Variants in RNF150 observed in about 807,000 individuals in gnomAD.
The protein encoded by RNF150 is ring finger protein 150.
In RNF150, 24 loss-of-function variants were observed where a neutral mutation model predicts 39.3. The observed-to-expected ratio is 0.61, with a 90% CI of 0.44 to 0.86. The LOEUF (loss-of-function observed/expected upper bound fraction) is 0.86. Among genes scored for constraint, RNF150 ranks in the 40% least tolerant of loss-of-function variants. RNF150 has a pLI of 0.00. For synonymous variants in RNF150, 255 were observed against 227.3 expected, an observed-to-expected ratio of 1.12 and a Z score of -1.10; for missense variants, 502 against 587.8, an observed-to-expected ratio of 0.85 and a Z score of 1.51.
intron 1 of RNF150, among the ~76,000 whole-genome samples, chr4:141,165,596 G>C (rs1393178765): frequency 3.3e-5 from 5 of 152,132 alleles, no homozygotes; most frequent in Non-Finnish European, 5.9e-5. Context: ...ATAACAAACA[G>C]TCTCTCAGAC....
chr4:140,950,283 T>C (rs1193876158), intron 2 of RNF150, among the ~76,000 whole-genome samples: 4 of 152,242 alleles, frequency 2.6e-5, no homozygotes, highest in Admixed American at 6.5e-5. Flanking sequence ...AGACTAATCA[T>C]TTGCTTTCAC....
intron 1 of RNF150, among the ~76,000 whole-genome samples, chr4:141,129,236 A>T (rs111448791): frequency 2.6e-5 from 4 of 152,386 alleles, no homozygotes; most frequent in African/African-American, 9.6e-5. Context: ...ATGAATAAAT[A>T]CACAAAATGT....
intron 4 of RNF150, among the ~76,000 whole-genome samples, chr4:140,929,300 C>T (rs900047781): frequency 5.3e-5 from 8 of 150,790 alleles, no homozygotes; most frequent in Non-Finnish European, 1.2e-4. Flanking sequence ...TGTTCTCAAA[C>T]ACCCTCAGTT....
chr4:141,147,217 A>C (rs1553951034), intron 1 of RNF150, among the ~76,000 whole-genome samples: 1 of 152,206 alleles, frequency 6.6e-6, no homozygotes, highest in Non-Finnish European at 1.5e-5. Context: ...CAACAAACCA[A>C]CTCTAAAATT....
chr4:141,062,292 TTA>T (rs1737264671), intron 1 of RNF150, among the ~76,000 whole-genome samples: 1 of 152,130 alleles, frequency 6.6e-6, no homozygotes, highest in Admixed American at 6.5e-5. Flanking sequence ...CATGTCTGTA[TTA>T]TACATGATAT....
At chr4:141,127,335 C>G (rs907823401) in intron 1 of RNF150, among the ~76,000 whole-genome samples, 1 of 152,078 alleles carries the variant, frequency 6.6e-6, no homozygotes. Flanking sequence ...GTTATTATTA[C>G]CCAGCATGCT....
chr4:141,150,694 G>T (rs940974540), intron 1 of RNF150, among the ~76,000 whole-genome samples: 2 of 152,000 alleles, frequency 1.3e-5, no homozygotes, highest in African/African-American at 4.8e-5. Context: ...TCCCCCAACT[G>T]ATCTCCATTT....
chr4:141,108,886 G>A (rs1292132591), intron 1 of RNF150, among the ~76,000 whole-genome samples: 1 of 152,052 alleles, frequency 6.6e-6, no homozygotes, highest in African/African-American at 2.4e-5. Context: ...ATCCTTAACC[G>A]CTGCAGCTCA....
At chr4:141,095,881 G>A (rs1390664304) in intron 1 of RNF150, among the ~76,000 whole-genome samples, 1 of 152,118 alleles carries the variant, frequency 6.6e-6, no homozygotes, top group Non-Finnish European at 1.5e-5. Flanking sequence ...TGAGTGCTGA[G>A]AACATTTTTT....
chr4:141,156,757 A>T (rs921361729), intron 1 of RNF150, among the ~76,000 whole-genome samples: 8 of 151,006 alleles, frequency 5.3e-5, no homozygotes, highest in Non-Finnish European at 8.9e-5. Flanking sequence ...AAAAAAAAAA[A>T]TTAACCAGGT....
At chr4:141,095,182 T>C (rs1426991786) in intron 1 of RNF150, among the ~76,000 whole-genome samples, 2 of 152,154 alleles carry the variant, frequency 1.3e-5, no homozygotes, top group Non-Finnish European at 2.9e-5. Context: ...CAGCTACAAT[T>C]TTAAGAAATT....
chr4:141,035,424 T>G (rs1736104350), intron 1 of RNF150, among the ~76,000 whole-genome samples: 2 of 152,160 alleles, frequency 1.3e-5, no homozygotes, highest in Admixed American at 6.6e-5. Context: ...ATGCTATGAC[T>G]TAGTGGATAA....
intron 2 of RNF150, among the ~76,000 whole-genome samples, chr4:140,959,386 T>C (rs1394001167): frequency 6.6e-6 from 1 of 152,104 alleles, no homozygotes; most frequent in Non-Finnish European, 1.5e-5. Context: ...ATTGGCTCCC[T>C]AAATGTGCTG....
At chr4:141,012,772 A>C in intron 1 of RNF150, among the ~76,000 whole-genome samples, 1 of 77,682 alleles carries the variant, frequency 1.3e-5, no homozygotes, top group African/African-American at 5.4e-5. Flanking sequence ...ACAGAGTAAG[A>C]CTCTGTCTCA....
At chr4:141,071,232 TG>T (rs1737686861) in intron 1 of RNF150, among the ~76,000 whole-genome samples, 1 of 94,530 alleles carries the variant, frequency 1.1e-5, no homozygotes, top group Non-Finnish European at 2.0e-5. Flanking sequence ...GGGACTGTGG[TG>T]GGGTGGGGGG....
chr4:141,166,271 A>G (rs1578776321), intron 1 of RNF150, among the ~76,000 whole-genome samples: 1 of 152,226 alleles, frequency 6.6e-6, no homozygotes, highest in African/African-American at 2.4e-5. Context: ...ATCCCTGAAT[A>G]GACCAATAAC....
intron 5 of RNF150, among the ~76,000 whole-genome samples, chr4:140,924,802 T>C (rs1427119192): frequency 6.6e-6 from 1 of 152,190 alleles, no homozygotes; most frequent in Non-Finnish European, 1.5e-5. Flanking sequence ...AGCTCAAAGG[T>C]ATAGTCACAC....
At chr4:141,053,847 C>A in intron 1 of RNF150, 1 of 469,008 alleles carries the variant, frequency 2.1e-6, no homozygotes, top group Middle Eastern at 3.0e-4. Context: ...ATGGTTTAAA[C>A]ATGGTCCCTT....
intron 6 of RNF150, among the ~76,000 whole-genome samples, chr4:140,901,455 G>A (rs1369204229): frequency 7.9e-5 from 12 of 152,158 alleles, no homozygotes; most frequent in Non-Finnish European, 1.6e-4. Flanking sequence ...TTGTTTGTTA[G>A]TGCCTTGGTC....
Sources: allele counts gnomAD v4.1 joint callset (sites outside exome capture counted in the v4.1 genomes callset), GRCh38; gene constraint gnomAD v4.1.1; transcripts MANE v1.5; gene names NCBI Gene and HGNC (gene_info 2026-07-23, HGNC 2026-07-21).